Variants in GRM8 observed in about 807,000 individuals in gnomAD.
GRM8 encodes the protein glutamate metabotropic receptor 8.
In GRM8, 47 loss-of-function variants were observed where a neutral mutation model predicts 87.2. The observed-to-expected ratio is 0.54, with a 90% CI of 0.43 to 0.69. The LOEUF is 0.69. Among genes scored for constraint, GRM8 ranks in the 30% least tolerant of loss-of-function variants. GRM8 has a pLI of 0.00. For synonymous variants in GRM8, 396 were observed against 404.5 expected, an observed-to-expected ratio of 0.98 and a Z score of 0.25; for missense variants, 1,019 against 1,139.2, an observed-to-expected ratio of 0.89 and a Z score of 1.52.
At chr7:127,031,451 G>C (rs898401546) in intron 3 of GRM8, among the ~76,000 whole-genome samples, 1 of 151,946 alleles carries the variant, frequency 6.6e-6, no homozygotes, top group Non-Finnish European at 1.5e-5. Context: ...CCTCCATCTG[G>C]ATTGGCCCTT....
At position 127,145,745 on chromosome 7, in the gene GRM8, A is replaced by T. The variant is rs17866906; in HGVS notation, c.511-39033T>A. ...GATATTTAGTCAGTGAATTAACAAGAAAACGGAACAAACCCTGCTCTGAGG... is the reference window on the plus strand; with the variant it reads ...GATATTTAGTCAGTGAATTAACAAGTAAACGGAACAAACCCTGCTCTGAGG... On this transcript the variant is annotated intron_variant, in intron 2 of 10. Coordinates refer to ENST00000339582, the MANE Select transcript of GRM8 (RefSeq NM_000845.3). Among the ~76,000 whole-genome samples the T allele has an allele frequency of 2.6e-5, 4 of 152,232 alleles. No individual in the cohort carries two copies. In the East Asian group the frequency reaches 7.7e-4, roughly 29 times the overall value.
chr7:127,021,708 G>A (rs544283203), intron 3 of GRM8, among the ~76,000 whole-genome samples: 1 of 152,112 alleles, frequency 6.6e-6, no homozygotes, highest in Admixed American at 6.6e-5. Flanking sequence ...TCTTAAAACA[G>A]GGACCTCAGC....
chr7:126,668,708 C>T (rs1434900646), intron 7 of GRM8, among the ~76,000 whole-genome samples: 2 of 152,216 alleles, frequency 1.3e-5, no homozygotes, highest in African/African-American at 2.4e-5. Context: ...AGAGGTTCTT[C>T]CCCAGGCATT....
At chr7:126,955,616 A>T (rs1279449613) in intron 3 of GRM8, among the ~76,000 whole-genome samples, 1 of 152,134 alleles carries the variant, frequency 6.6e-6, no homozygotes, top group African/African-American at 2.4e-5. Flanking sequence ...CATAGGCTCA[A>T]ATGGGTTCCT....
intron 7 of GRM8, among the ~76,000 whole-genome samples, chr7:126,651,181 T>C (rs1023746092): frequency 1.3e-5 from 2 of 152,210 alleles, no homozygotes; most frequent in Admixed American, 6.5e-5. Context: ...TCCACTGTCA[T>C]GGTATCCCAC....
intron 7 of GRM8, among the ~76,000 whole-genome samples, chr7:126,732,442 AGAGTT>A (rs1317737163): frequency 4.6e-5 from 7 of 152,162 alleles, no homozygotes; most frequent in Non-Finnish European, 1.0e-4. Context: ...TTGTGCCTTA[AGAGTT>A]ATTAGTAGAA....
intron 3 of GRM8, among the ~76,000 whole-genome samples, chr7:127,091,921 C>T (rs1824159499): frequency 9.3e-6 from 1 of 107,712 alleles, no homozygotes; most frequent in Non-Finnish European, 2.0e-5. Flanking sequence ...CTCCAACCCA[C>T]TGATCATCCC....
intron 9 of GRM8, among the ~76,000 whole-genome samples, chr7:126,470,039 A>T (rs1184036451): frequency 6.6e-6 from 1 of 152,166 alleles, no homozygotes; most frequent in African/African-American, 2.4e-5. Flanking sequence ...TCAGATGGAA[A>T]TAAGAAACTT....
intron 7 of GRM8, among the ~76,000 whole-genome samples, chr7:126,655,398 T>C (rs1428170001): frequency 1.3e-5 from 2 of 152,206 alleles, no homozygotes; most frequent in Non-Finnish European, 2.9e-5. Context: ...TATCCCCACC[T>C]AAATCTCATC....
intron 2 of GRM8, among the ~76,000 whole-genome samples, chr7:127,145,905 T>A (rs1238826431): frequency 6.6e-6 from 1 of 152,112 alleles, no homozygotes; most frequent in African/African-American, 2.4e-5. Flanking sequence ...CATCATTTTA[T>A]CTGGCAACCC....
chr7:126,929,117 C>G (rs1204653070), intron 3 of GRM8, among the ~76,000 whole-genome samples: 2 of 152,144 alleles, frequency 1.3e-5, no homozygotes, highest in African/African-American at 4.8e-5. Context: ...AGGAAATTTG[C>G]TTAAAGGAAT....
chr7:126,640,300 T>C (rs1326965756), intron 7 of GRM8, among the ~76,000 whole-genome samples: 3 of 152,174 alleles, frequency 2.0e-5, no homozygotes, highest in Admixed American at 6.5e-5. Flanking sequence ...TGTCATTGGA[T>C]ACCATATGCC....
At chr7:127,190,106 G>A (rs10267381) in intron 2 of GRM8, among the ~76,000 whole-genome samples, 2,171 of 152,278 alleles carry the variant, frequency 0.014, 44 homozygotes, top group African/African-American at 0.048. Context: ...CCTTGGCTGG[G>A]GAAACAGGGA....
At chr7:127,075,482 A>G (rs1822161763) in intron 3 of GRM8, among the ~76,000 whole-genome samples, 1 of 152,146 alleles carries the variant, frequency 6.6e-6, no homozygotes, top group South Asian at 2.1e-4. Flanking sequence ...GGAATTTTAA[A>G]CTTTTAGTCA....
chr7:126,941,043 T>C (rs915189489), intron 3 of GRM8, among the ~76,000 whole-genome samples: 3 of 152,204 alleles, frequency 2.0e-5, no homozygotes, highest in Non-Finnish European at 4.4e-5. Flanking sequence ...AGCAGGTTTT[T>C]ATACAGGATG....
At chr7:126,887,185 A>T (rs1384786392) in intron 6 of GRM8, among the ~76,000 whole-genome samples, 1 of 152,140 alleles carries the variant, frequency 6.6e-6, no homozygotes, top group Non-Finnish European at 1.5e-5. Flanking sequence ...AGATAGGTAC[A>T]TCAGACATAG....
intron 7 of GRM8, among the ~76,000 whole-genome samples, chr7:126,732,140 C>G (rs1222875201): frequency 1.3e-5 from 2 of 151,920 alleles, no homozygotes; most frequent in Non-Finnish European, 2.9e-5. Context: ...GTAGCCAGAA[C>G]AAACATTATC....
intron 6 of GRM8, among the ~76,000 whole-genome samples, chr7:126,774,803 T>C (rs1226731773): frequency 6.6e-6 from 1 of 152,144 alleles, no homozygotes; most frequent in Non-Finnish European, 1.5e-5. Context: ...CTAAGAGAAA[T>C]TTCAGACTTT....
At chr7:126,696,782 T>C (rs1255294082) in intron 7 of GRM8, among the ~76,000 whole-genome samples, 1 of 152,038 alleles carries the variant, frequency 6.6e-6, no homozygotes, top group Non-Finnish European at 1.5e-5. Context: ...GGGATTATTG[T>C]AGACAGTTTA....
Sources: allele counts gnomAD v4.1 joint callset (sites outside exome capture counted in the v4.1 genomes callset), GRCh38; gene constraint gnomAD v4.1.1; transcripts MANE v1.5; gene names NCBI Gene and HGNC (gene_info 2026-07-23, HGNC 2026-07-21).